Variants in CDH18 observed in about 807,000 individuals in gnomAD.
The protein encoded by CDH18 is cadherin-18.
CDH18 carries 31 observed loss-of-function variants against 67.9 expected under a neutral mutation model. That is an observed-to-expected ratio of 0.46 (90% CI 0.34 to 0.62). The LOEUF (loss-of-function observed/expected upper bound fraction) is 0.62, where lower values mean the gene tolerates loss of function less well. Ranked by LOEUF, CDH18 falls within the 20% of genes least tolerant of loss-of-function variation. The pLI, the probability that CDH18 is intolerant of heterozygous loss-of-function variation, is 0.01. For synonymous variants in CDH18, 362 were observed against 347.2 expected, an observed-to-expected ratio of 1.04 and a Z score of -0.48; for missense variants, 890 against 975.5, an observed-to-expected ratio of 0.91 and a Z score of 1.17.
intron 2 of CDH18, among the ~76,000 whole-genome samples, chr5:20,156,331 G>A (rs978881447): frequency 2.2e-4 from 33 of 152,086 alleles, no homozygotes; most frequent in African/African-American, 8.0e-4. Flanking sequence ...ATCAACCTAA[G>A]TGTCCAACAA....
intron 1 of CDH18, among the ~76,000 whole-genome samples, chr5:20,264,336 G>A (rs1043259132): frequency 6.6e-6 from 1 of 151,646 alleles, no homozygotes; most frequent in Non-Finnish European, 1.5e-5. Flanking sequence ...ATTATCCCAA[G>A]GCATAAAAAT....
chr5:20,168,444 T>A (rs1736461081), intron 2 of CDH18, among the ~76,000 whole-genome samples: 1 of 152,042 alleles, frequency 6.6e-6, no homozygotes, highest in Admixed American at 6.6e-5. Flanking sequence ...ACATTATTAT[T>A]TAAAAGAATA....
intron 1 of CDH18, among the ~76,000 whole-genome samples, chr5:20,320,187 T>C (rs930729356): frequency 6.6e-6 from 1 of 151,540 alleles, no homozygotes; most frequent in Admixed American, 6.5e-5. Context: ...AAAATAGATT[T>C]AAGAATCTTT....
chr5:19,484,635 G>A (rs527712286), intron 11 of CDH18, among the ~76,000 whole-genome samples: 1 of 152,304 alleles, frequency 6.6e-6, no homozygotes, highest in East Asian at 1.9e-4. Context: ...ACTGCTGAAA[G>A]GTTACAAACG....
chr5:19,855,737 G>T (rs1012826195), intron 2 of CDH18, among the ~76,000 whole-genome samples: 1 of 151,978 alleles, frequency 6.6e-6, no homozygotes, highest in African/African-American at 2.4e-5. Flanking sequence ...ACCCTTTTTA[G>T]CTACAACAGA....
At chr5:20,567,532 G>A (rs943134098) in intron 1 of CDH18, among the ~76,000 whole-genome samples, 2 of 152,156 alleles carry the variant, frequency 1.3e-5, no homozygotes, top group African/African-American at 4.8e-5. Flanking sequence ...GCAACAGCTG[G>A]AAACCAGAAG....
chr5:19,756,156 C>A (rs1221769748), intron 3 of CDH18, among the ~76,000 whole-genome samples: 1 of 152,140 alleles, frequency 6.6e-6, no homozygotes, highest in Admixed American at 6.5e-5. Flanking sequence ...ACACACCAAC[C>A]CCCAACCCAA....
At chr5:19,671,644 T>C (rs1758765366) in intron 5 of CDH18, among the ~76,000 whole-genome samples, 1 of 152,110 alleles carries the variant, frequency 6.6e-6, no homozygotes, top group South Asian at 2.1e-4. Context: ...CCGAATCAAT[T>C]TAATTCTAAG....
intron 3 of CDH18, among the ~76,000 whole-genome samples, chr5:19,753,444 G>A (rs1581197856): frequency 6.6e-6 from 1 of 152,104 alleles, no homozygotes; most frequent in Non-Finnish European, 1.5e-5. Context: ...ATTCAGACAA[G>A]TTCTTCAAAT....
intron 11 of CDH18, among the ~76,000 whole-genome samples, chr5:19,484,773 G>T (rs1047187357): frequency 6.6e-6 from 1 of 152,204 alleles, no homozygotes; most frequent in Non-Finnish European, 1.5e-5. Context: ...ACTCTACGCT[G>T]TCGTTCTTCC....
intron 2 of CDH18, among the ~76,000 whole-genome samples, chr5:20,048,592 G>A (rs1279694691): frequency 6.6e-6 from 1 of 151,520 alleles, no homozygotes; most frequent in Non-Finnish European, 1.5e-5. Context: ...AGAACTTTCA[G>A]GCGGTAATCA....
chr5:20,423,017 T>A (rs1747983369), intron 1 of CDH18, among the ~76,000 whole-genome samples: 1 of 151,168 alleles, frequency 6.6e-6, no homozygotes, highest in South Asian at 2.1e-4. Context: ...AGAAAGATTT[T>A]TTTCTCCAGA....
At chr5:19,832,251 T>C (rs1781126458) in intron 3 of CDH18, among the ~76,000 whole-genome samples, 1 of 152,080 alleles carries the variant, frequency 6.6e-6, no homozygotes, top group African/African-American at 2.4e-5. Flanking sequence ...CCTTTGAATC[T>C]AAAATAAAGG....
chr5:19,811,616 A>C (rs1778753750), intron 3 of CDH18, among the ~76,000 whole-genome samples: 2 of 152,298 alleles, frequency 1.3e-5, no homozygotes, highest in Admixed American at 1.3e-4. Context: ...CAGACCAAAA[A>C]ATATAAAAAG....
chr5:19,592,979 C>T (rs991668986), intron 6 of CDH18, among the ~76,000 whole-genome samples: 14 of 151,960 alleles, frequency 9.2e-5, no homozygotes, highest in African/African-American at 3.4e-4. Context: ...AGTAGTCATC[C>T]ATGTTGTTGC....
At chr5:19,514,906 C>A (rs1244806285) in intron 10 of CDH18, among the ~76,000 whole-genome samples, 1 of 152,158 alleles carries the variant, frequency 6.6e-6, no homozygotes, top group Non-Finnish European at 1.5e-5. Flanking sequence ...GTGTTTTAGT[C>A]ATGAAGTCCT....
chr5:20,528,680 A>C (rs1054804233), intron 1 of CDH18, among the ~76,000 whole-genome samples: 2 of 151,162 alleles, frequency 1.3e-5, no homozygotes, highest in Non-Finnish European at 3.0e-5. Context: ...TTAAGCCACA[A>C]ATCTTTGAAA....
chr5:19,881,504 T>G (rs886604953), intron 2 of CDH18, among the ~76,000 whole-genome samples: 2 of 149,178 alleles, frequency 1.3e-5, no homozygotes, highest in Non-Finnish European at 3.0e-5. Flanking sequence ...GCTCTTCAAG[T>G]GCTTTTTTTT....
At chr5:20,000,768 A>G (rs982035685) in intron 2 of CDH18, among the ~76,000 whole-genome samples, 2 of 152,092 alleles carry the variant, frequency 1.3e-5, no homozygotes, top group Non-Finnish European at 2.9e-5. Flanking sequence ...AGATGATGAG[A>G]GAAAGAAAGA....
Sources: allele counts gnomAD v4.1 joint callset (sites outside exome capture counted in the v4.1 genomes callset), GRCh38; gene constraint gnomAD v4.1.1; transcripts MANE v1.5; gene names NCBI Gene and HGNC (gene_info 2026-07-23, HGNC 2026-07-21).